The following OR1J2 variants were observed in gnomAD, a reference collection of about 807,000 sequenced individuals.
OR1J2 encodes olfactory receptor 1J2.
For missense variants in OR1J2, 304 were observed against 246.1 expected (o/e 1.24, Z -1.57); for synonymous variants, 142 against 99.7 (o/e 1.42, Z -2.52).
the OR1J2 span, among the ~76,000 whole-genome samples, chr9:122,524,018 G>A: frequency 6.6e-6 from 1 of 152,134 alleles, no homozygotes; most frequent in African/African-American, 2.4e-5. Flanking sequence ...TGACCTTAAA[G>A]GAATAGAAAT....
At chr9:122,567,523 T>TAG in the OR1J2 span, 2 of 1,499,732 alleles carry the variant, frequency 1.3e-6, no homozygotes, top group East Asian at 2.3e-5. Flanking sequence ...AGATTCCACT[T>TAG]ACGAGTTTTT....
chr9:122,520,120 T>C, the OR1J2 span: 1 of 1,428,118 alleles, frequency 7.0e-7, no homozygotes, highest in Non-Finnish European at 9.7e-7. Flanking sequence ...TGTACTGACC[T>C]ATTTCCAGAT....
At chr9:122,499,676 T>C in the OR1J2 span, among the ~76,000 whole-genome samples, 1 of 152,164 alleles carries the variant, frequency 6.6e-6, no homozygotes, top group African/African-American at 2.4e-5. Context: ...GAACAGGTGC[T>C]CTGAATGCCT....
chr9:122,505,680 C>G, the OR1J2 span, among the ~76,000 whole-genome samples: 1 of 152,130 alleles, frequency 6.6e-6, no homozygotes, highest in Non-Finnish European at 1.5e-5. Flanking sequence ...TCCTATATCC[C>G]TATATATTTC....
chr9:122,473,593 C>G, the OR1J2 span, among the ~76,000 whole-genome samples: 1 of 152,212 alleles, frequency 6.6e-6, no homozygotes, highest in African/African-American at 2.4e-5. Context: ...ATATGGGCCT[C>G]CAGATATTTA....
At chr9:122,492,614 T>C in the OR1J2 span, among the ~76,000 whole-genome samples, 1 of 152,184 alleles carries the variant, frequency 6.6e-6, no homozygotes, top group Non-Finnish European at 1.5e-5. Context: ...ACATTTCCAC[T>C]AACAGTGTAT....
At chr9:122,551,574 G>A in the OR1J2 span, among the ~76,000 whole-genome samples, 2 of 152,184 alleles carry the variant, frequency 1.3e-5, no homozygotes, top group Non-Finnish European at 2.9e-5. Context: ...ATAGGCAGGA[G>A]TTCCCAGGTG....
downstream of OR1J2, among the ~76,000 whole-genome samples, chr9:122,511,990 A>C (rs907835513): frequency 7.2e-5 from 11 of 152,212 alleles, no homozygotes; most frequent in African/African-American, 2.4e-4. Context: ...GAAGGGACAT[A>C]ATAATGCAAT....
At chr9:122,459,683 G>A in the OR1J2 span, among the ~76,000 whole-genome samples, 1 of 152,116 alleles carries the variant, frequency 6.6e-6, no homozygotes, top group Non-Finnish European at 1.5e-5. Context: ...ATGTCAGAGA[G>A]ATGTCAGTAC....
chr9:122,576,950 G>C, the OR1J2 span: 1 of 152,138 alleles, frequency 6.6e-6, no homozygotes, highest in Non-Finnish European at 1.5e-5. Context: ...TACTCTTTCA[G>C]AAGGAGTAAC....
the OR1J2 span, among the ~76,000 whole-genome samples, chr9:122,528,761 A>G: frequency 6.6e-6 from 1 of 152,096 alleles, no homozygotes; most frequent in Non-Finnish European, 1.5e-5. Flanking sequence ...GCTTAGTCCA[A>G]CTCCTCCCTT....
chr9:122,569,064 C>T, the OR1J2 span, among the ~76,000 whole-genome samples: 1 of 150,620 alleles, frequency 6.6e-6, no homozygotes, highest in African/African-American at 2.4e-5. Context: ...TTGAAAAAAA[C>T]TAATGGTTTT....
the OR1J2 span, among the ~76,000 whole-genome samples, chr9:122,504,306 T>A: frequency 1.3e-5 from 2 of 152,224 alleles, no homozygotes; most frequent in Admixed American, 6.5e-5. Context: ...AGGCTCCATA[T>A]AATGCCACTA....
the OR1J2 span, among the ~76,000 whole-genome samples, chr9:122,536,557 A>G: frequency 6.6e-6 from 1 of 152,214 alleles, no homozygotes; most frequent in Non-Finnish European, 1.5e-5. Context: ...CTTTAGATAG[A>G]TATCTTCCCG....
At chr9:122,463,231 G>T in the OR1J2 span, among the ~76,000 whole-genome samples, 23 of 152,144 alleles carry the variant, frequency 1.5e-4, no homozygotes, top group African/African-American at 5.3e-4. Flanking sequence ...AATTTCCAGT[G>T]CATTTTGCAT....
chr9:122,469,083 GCTCATT>G, the OR1J2 span, among the ~76,000 whole-genome samples: 1 of 152,198 alleles, frequency 6.6e-6, no homozygotes, highest in African/African-American at 2.4e-5. Context: ...TGTGAAAGCA[GCTCATT>G]TACTATTAAC....
chr9:122,499,429 C>G, the OR1J2 span, among the ~76,000 whole-genome samples: 1 of 152,068 alleles, frequency 6.6e-6, no homozygotes, highest in African/African-American at 2.4e-5. Context: ...TCTCAGGCCG[C>G]TGAACCAGGC....
At chr9:122,458,993 A>G in the OR1J2 span, among the ~76,000 whole-genome samples, 1 of 151,876 alleles carries the variant, frequency 6.6e-6, no homozygotes, top group Admixed American at 6.6e-5. Context: ...TACCCTTTGC[A>G]CTATTCTACT....
the OR1J2 span, among the ~76,000 whole-genome samples, chr9:122,465,700 A>G: frequency 6.6e-6 from 1 of 152,236 alleles, no homozygotes; most frequent in Non-Finnish European, 1.5e-5. Context: ...ATGAGATACC[A>G]TGTCAAAATT....
Sources: allele counts gnomAD v4.1 joint callset (sites outside exome capture counted in the v4.1 genomes callset), GRCh38; gene constraint gnomAD v4.1.1; transcripts MANE v1.5; gene names NCBI Gene and HGNC (gene_info 2026-07-23, HGNC 2026-07-21).